The following SPAM1 variants were observed in gnomAD, a reference collection of about 807,000 sequenced individuals.
SPAM1 encodes the protein hyaluronidase PH-20.
Under a neutral mutation model 29.6 loss-of-function variants are expected in SPAM1, and 22 were observed. That is an observed-to-expected ratio of 0.74 (90% CI 0.53 to 1.06). The LOEUF (loss-of-function observed/expected upper bound fraction) is 1.06. Among genes scored for constraint, SPAM1 ranks in the 50% least tolerant of loss-of-function variants. The pLI, the probability that SPAM1 is intolerant of heterozygous loss-of-function variation, is 0.00. For missense variants in SPAM1, 534 were observed against 604.0 expected (o/e 0.88, Z 1.21); for synonymous variants, 194 against 204.6 (o/e 0.95, Z 0.44).
chr7:123,930,824 A>AT (rs1457724017), intron 1 of SPAM1, among the ~76,000 whole-genome samples: 2 of 152,092 alleles, frequency 1.3e-5, no homozygotes, highest in Non-Finnish European at 2.9e-5. Flanking sequence ...ATTAGATAAC[A>AT]TTTTTACTTA....
chr7:123,939,401 A>G (rs1339924835), intron 1 of SPAM1, among the ~76,000 whole-genome samples: 9 of 152,034 alleles, frequency 5.9e-5, no homozygotes, highest in Non-Finnish European at 1.3e-4. Flanking sequence ...TCTTTATTCA[A>G]TTACTTCATT....
chr7:123,927,004 G>A (rs1282008761), intron 1 of SPAM1, among the ~76,000 whole-genome samples: 1 of 152,162 alleles, frequency 6.6e-6, no homozygotes, highest in African/African-American at 2.4e-5. Context: ...TTCTTCCCAT[G>A]AGACACTGCA....
chr7:123,970,809 GT>G (rs1392848259), intron 6 of SPAM1, among the ~76,000 whole-genome samples: 2 of 151,860 alleles, frequency 1.3e-5, no homozygotes, highest in South Asian at 2.1e-4. Context: ...TAATTTTGTG[GT>G]AGCAAACAAA....
downstream of SPAM1, among the ~76,000 whole-genome samples, chr7:123,962,125 T>C (rs1051237563): frequency 6.6e-6 from 1 of 152,066 alleles, no homozygotes; most frequent in African/African-American, 2.4e-5. Flanking sequence ...TCATAATGGC[T>C]GGACTAATTT....
At chr7:123,967,554 A>G (rs1005544896) in intron 5 of SPAM1, among the ~76,000 whole-genome samples, 3 of 151,800 alleles carry the variant, frequency 2.0e-5, no homozygotes, top group African/African-American at 7.3e-5. Flanking sequence ...GTAGACTCCA[A>G]TATAGTATTT....
intron 1 of SPAM1, among the ~76,000 whole-genome samples, chr7:123,928,230 C>G (rs1807958900): frequency 6.6e-6 from 1 of 152,070 alleles, no homozygotes; most frequent in South Asian, 2.1e-4. Flanking sequence ...CCAGGTAACG[C>G]CCATTGACTG....
At chr7:123,930,428 G>A (rs2117017630) in intron 1 of SPAM1, among the ~76,000 whole-genome samples, 1 of 152,242 alleles carries the variant, frequency 6.6e-6, no homozygotes, top group African/African-American at 2.4e-5. Context: ...CCAAAGAGGT[G>A]CAGAAGATGC....
intron 1 of SPAM1, among the ~76,000 whole-genome samples, chr7:123,930,411 G>A (rs2117017574): frequency 6.6e-6 from 1 of 152,204 alleles, no homozygotes; most frequent in Middle Eastern, 3.4e-3. Context: ...GAGTTCAAGA[G>A]GTATCGCCAA....
At chr7:123,941,418 G>A (rs913115082) in intron 1 of SPAM1, among the ~76,000 whole-genome samples, 1 of 152,222 alleles carries the variant, frequency 6.6e-6, no homozygotes, top group African/African-American at 2.4e-5. Context: ...CAGGTCATAA[G>A]TAGATAAGAG....
intron 5 of SPAM1, among the ~76,000 whole-genome samples, chr7:123,968,352 T>C (rs1039783693): frequency 2.6e-5 from 4 of 152,068 alleles, no homozygotes; most frequent in African/African-American, 7.2e-5. Context: ...GCCATGGCAA[T>C]TGAAAACTGT....
At chr7:123,936,855 A>C (rs1808256646) in intron 1 of SPAM1, among the ~76,000 whole-genome samples, 1 of 152,238 alleles carries the variant, frequency 6.6e-6, no homozygotes, top group Admixed American at 6.5e-5. Context: ...AAACACCAGC[A>C]GTGTCTCAGT....
intron 1 of SPAM1, among the ~76,000 whole-genome samples, chr7:123,940,521 CTT>C: frequency 6.7e-6 from 1 of 150,214 alleles, no homozygotes; most frequent in Non-Finnish European, 1.5e-5. Context: ...TGGGGCCTCA[CTT>C]TGTCATCCGG....
intron 1 of SPAM1, among the ~76,000 whole-genome samples, chr7:123,930,096 TTGTTA>T (rs1217302131): frequency 6.6e-6 from 1 of 152,014 alleles, no homozygotes; most frequent in Non-Finnish European, 1.5e-5. Context: ...TTTTTAACTT[TTGTTA>T]TAAGTCTGAT....
chr7:123,959,351 A>G (rs1351235426), intron 4 of SPAM1, 133 bp from the exon 5 acceptor site: 3 of 631,170 alleles, frequency 4.8e-6, no homozygotes, highest in Non-Finnish European at 8.0e-6. Flanking sequence ...AAGGTAAAAA[A>G]GAAATTATCT....
At chr7:123,959,199 A>G (rs1237213191) in intron 4 of SPAM1, among the ~76,000 whole-genome samples, 6 of 152,062 alleles carry the variant, frequency 3.9e-5, no homozygotes, top group Non-Finnish European at 8.8e-5. Context: ...GTAGCATTCT[A>G]TCCCCTGATT....
chr7:123,949,681 T>G (rs919987852), intron 1 of SPAM1, among the ~76,000 whole-genome samples, 191 bp from the exon 2 acceptor site: 3 of 152,274 alleles, frequency 2.0e-5, no homozygotes, highest in African/African-American at 7.2e-5. Context: ...TACATAATTT[T>G]TATTACAAAA....
At position 123,935,104 on chromosome 7, in the gene SPAM1, G is replaced by A. The variant is rs535168408; in HGVS notation, c.-319+9752G>A. ...AAACACACACCGTACCCTATAAATAGGTAAAATTATTATTTGTCAATTAAA... is the reference window on the plus strand; with the variant it reads ...AAACACACACCGTACCCTATAAATAAGTAAAATTATTATTTGTCAATTAAA... On this transcript the variant is annotated intron_variant, in intron 1 of 4. Coordinates refer to ENST00000682466, the MANE Select transcript of SPAM1 (RefSeq NM_153189.3). Among the ~76,000 whole-genome samples the A allele has an allele frequency of 1.3e-3, 195 of 152,172 alleles. 1 individual carries two copies. The highest frequency in any genetic ancestry group is 2.1e-3 in the Non-Finnish European group (141 of 68,000).
chr7:123,931,421 G>T (rs769234537), intron 1 of SPAM1, among the ~76,000 whole-genome samples: 1 of 152,180 alleles, frequency 6.6e-6, no homozygotes, highest in Non-Finnish European at 1.5e-5. Flanking sequence ...TTCCAGAGAG[G>T]TTCCTGTCCC....
At chr7:123,947,171 T>G (rs1239482592) in intron 1 of SPAM1, among the ~76,000 whole-genome samples, 1 of 152,188 alleles carries the variant, frequency 6.6e-6, no homozygotes, top group Non-Finnish European at 1.5e-5. Flanking sequence ...TTATAATAAA[T>G]GCTGTATTTT....
Sources: gnomAD v4.1 joint callset for allele counts (sites outside exome capture counted in the v4.1 genomes callset) on GRCh38, gnomAD v4.1.1 for gene constraint, MANE v1.5 for transcripts, NCBI Gene and HGNC (gene_info 2026-07-23, HGNC 2026-07-21) for gene names.